B3GALT1: variants seen among roughly 807,000 people sequenced by gnomAD.
The protein encoded by B3GALT1 is UDP-Gal:betaGlcNAc beta 1,3-galactosyltransferase, polypeptide 1.
A neutral mutation model predicts 23.2 loss-of-function variants in B3GALT1; 10 were observed. That is an observed-to-expected ratio of 0.43 (90% CI 0.27 to 0.73). B3GALT1 has a LOEUF of 0.73. Among genes scored for constraint, B3GALT1 ranks in the 30% least tolerant of loss-of-function variants. The probability of loss-of-function intolerance (pLI) is 0.21; values close to 1 mark genes in which losing one functional copy is unlikely to be tolerated. For synonymous variants in B3GALT1, 156 were observed against 141.5 expected (o/e 1.10, Z -0.73); for missense variants, 299 against 405.4 (o/e 0.74, Z 2.25).
At chr2:167,422,269 A>G (rs1018959167) in intron 1 of B3GALT1, among the ~76,000 whole-genome samples, 1 of 146,254 alleles carries the variant, frequency 6.8e-6, no homozygotes, top group Non-Finnish European at 1.5e-5. Flanking sequence ...TCTCTCTGCT[A>G]TATGAAGATA....
At chr2:167,393,905 A>G (rs950581246) in intron 1 of B3GALT1, among the ~76,000 whole-genome samples, 1 of 152,364 alleles carries the variant, frequency 6.6e-6, no homozygotes, top group Non-Finnish European at 1.5e-5. Context: ...TCATCATTAT[A>G]TTTAAATATA....
At chr2:167,329,812 G>GT (rs76864874) in intron 1 of B3GALT1, among the ~76,000 whole-genome samples, 4 of 148,544 alleles carry the variant, frequency 2.7e-5, no homozygotes, top group African/African-American at 9.9e-5. Context: ...TTTTTGTTTT[G>GT]TTTTTTTTTT....
intron 3 of B3GALT1, among the ~76,000 whole-genome samples, chr2:167,775,265 G>GTATAA (rs1688141171): frequency 6.6e-6 from 1 of 152,054 alleles, no homozygotes; most frequent in Non-Finnish European, 1.5e-5. Context: ...GCAATAAAAG[G>GTATAA]TGTGTTTAAA....
intron 3 of B3GALT1, among the ~76,000 whole-genome samples, chr2:167,795,202 C>T (rs920439407): frequency 6.6e-6 from 1 of 152,036 alleles, no homozygotes; most frequent in Middle Eastern, 3.2e-3. Flanking sequence ...TTATACTTTC[C>T]CATGAACCTA....
At chr2:167,865,534 G>A (rs1430535273) in intron 4 of B3GALT1, among the ~76,000 whole-genome samples, 2 of 152,230 alleles carry the variant, frequency 1.3e-5, no homozygotes, top group African/African-American at 2.4e-5. Context: ...GCTCACGCCT[G>A]TAATCCCAGC....
At chr2:167,406,552 T>A (rs1258535545) in intron 1 of B3GALT1, among the ~76,000 whole-genome samples, 2 of 152,132 alleles carry the variant, frequency 1.3e-5, no homozygotes, top group African/African-American at 2.4e-5. Flanking sequence ...TTTATGTACT[T>A]GAAAAAGTGA....
chr2:167,322,557 G>A (rs147628439), intron 1 of B3GALT1, among the ~76,000 whole-genome samples: 222 of 152,064 alleles, frequency 1.5e-3, no homozygotes, highest in African/African-American at 4.9e-3. Flanking sequence ...TTATTTGAAC[G>A]ACATTTAGTA....
intron 3 of B3GALT1, among the ~76,000 whole-genome samples, chr2:167,782,999 T>A (rs1215529906): frequency 6.6e-6 from 1 of 152,148 alleles, no homozygotes; most frequent in South Asian, 2.1e-4. Flanking sequence ...GGGCACAGAA[T>A]CTGGTGAGAT....
chr2:167,399,669 C>G (rs1373435041), intron 1 of B3GALT1, among the ~76,000 whole-genome samples: 1 of 151,854 alleles, frequency 6.6e-6, no homozygotes, highest in African/African-American at 2.4e-5. Flanking sequence ...TAGCAAATCC[C>G]CTTTGCTCCC....
chr2:167,690,351 C>T (rs1686691099), intron 3 of B3GALT1, among the ~76,000 whole-genome samples: 2 of 151,548 alleles, frequency 1.3e-5, no homozygotes, highest in South Asian at 4.2e-4. Context: ...AAAGTAATTA[C>T]AAAATAGTTC....
chr2:167,395,779 C>G (rs1281968521), intron 1 of B3GALT1, among the ~76,000 whole-genome samples: 1 of 151,702 alleles, frequency 6.6e-6, no homozygotes, highest in Non-Finnish European at 1.5e-5. Flanking sequence ...ATAATTCATA[C>G]TTCTTGAAAA....
chr2:167,745,355 C>T (rs779544844), intron 3 of B3GALT1, among the ~76,000 whole-genome samples: 2 of 152,108 alleles, frequency 1.3e-5, no homozygotes, highest in African/African-American at 4.8e-5. Flanking sequence ...TATGTAGACA[C>T]TGTTTATTAT....
At chr2:167,855,391 G>A (rs1689981890) in intron 4 of B3GALT1, among the ~76,000 whole-genome samples, 2 of 152,060 alleles carry the variant, frequency 1.3e-5, no homozygotes, top group African/African-American at 4.8e-5. Context: ...AATCTCTCCA[G>A]GCCTCAGCTT....
In B3GALT1 at chr2:167,510,986, T is replaced by TA. The variant is rs576713587; in HGVS notation, c.-410+20716dup. Among the ~76,000 whole-genome samples the TA allele has an allele frequency of 2.0e-5, 3 of 152,116 alleles. No homozygotes were observed. The East Asian group carries it at 5.8e-4, about 29-fold the overall frequency. On this transcript the variant is annotated intron_variant, in intron 2 of 4. Transcript: ENST00000392690. Reference sequence around the variant, plus strand: ...ATTAAAATAGCAATATTAGAATCAATAAAAAAAGAGAAAGTAAAATATTAA... The same window carrying TA: ...ATTAAAATAGCAATATTAGAATCAATAAAAAAAAGAGAAAGTAAAATATTAA...
intron 1 of B3GALT1, among the ~76,000 whole-genome samples, chr2:167,350,771 T>G (rs546666322): frequency 4.1e-4 from 62 of 152,264 alleles, no homozygotes; most frequent in African/African-American, 1.4e-3. Context: ...GACCTACACA[T>G]TGCAAGGAGC....
intron 1 of B3GALT1, among the ~76,000 whole-genome samples, chr2:167,444,077 AG>A (rs748555205): frequency 6.8e-4 from 103 of 152,322 alleles, no homozygotes; most frequent in Non-Finnish European, 1.0e-3. Context: ...TTTAGCATGA[AG>A]GGCTGTTGAA....
intron 3 of B3GALT1, among the ~76,000 whole-genome samples, chr2:167,777,464 A>T (rs1480850727): frequency 1.3e-5 from 2 of 152,148 alleles, no homozygotes; most frequent in African/African-American, 4.8e-5. Flanking sequence ...GTCCTGCCTC[A>T]GCCTCCCAAG....
At chr2:167,621,767 G>A (rs1685264491) in intron 2 of B3GALT1, among the ~76,000 whole-genome samples, 1 of 151,878 alleles carries the variant, frequency 6.6e-6, no homozygotes, top group Non-Finnish European at 1.5e-5. Context: ...GTTTTATAAG[G>A]GGCTCTTCTC....
chr2:167,593,009 T>C (rs572438150), intron 2 of B3GALT1, among the ~76,000 whole-genome samples: 1 of 152,276 alleles, frequency 6.6e-6, no homozygotes, highest in African/African-American at 2.4e-5. Flanking sequence ...GATCAAGGTA[T>C]AGGAAGACTG....
Sources: allele counts gnomAD v4.1 joint callset (sites outside exome capture counted in the v4.1 genomes callset), GRCh38; gene constraint gnomAD v4.1.1; transcripts MANE v1.5; gene names NCBI Gene and HGNC (gene_info 2026-07-23, HGNC 2026-07-21).